CWC22: variants seen among roughly 807,000 people sequenced by gnomAD.
CWC22 encodes the protein CWC22 spliceosome associated protein, also known as pre-mRNA-splicing factor CWC22 homolog.
CWC22 carries 53 observed loss-of-function variants against 117.2 expected under a neutral mutation model. That is an observed-to-expected ratio of 0.45 (90% CI 0.36 to 0.57). The LOEUF (loss-of-function observed/expected upper bound fraction) is 0.57. CWC22 is among the 20% of genes least tolerant of loss of function. The pLI is 0.00. For missense variants in CWC22, 980 were observed against 1,068.8 expected (o/e 0.92, Z 1.16); for synonymous variants, 360 against 355.6 (o/e 1.01, Z -0.14).
At chr2:179,983,001 T>C (rs1468131174) in intron 4 of CWC22, among the ~76,000 whole-genome samples, 1 of 152,140 alleles carries the variant, frequency 6.6e-6, no homozygotes, top group East Asian at 1.9e-4. Context: ...AAGGAGTATG[T>C]TTGAGATGGT....
chr2:179,973,871 T>C (rs1356599855), intron 6 of CWC22, 69 bp from the exon 7 acceptor site: 3 of 845,938 alleles, frequency 3.5e-6, no homozygotes, highest in Non-Finnish European at 5.2e-6. Context: ...ACAAAAACTA[T>C]TAAAATTCAG....
At chr2:179,987,545 TAGTA>T (rs964714016) in intron 3 of CWC22, among the ~76,000 whole-genome samples, 2 of 152,050 alleles carry the variant, frequency 1.3e-5, no homozygotes, top group African/African-American at 4.8e-5. Flanking sequence ...CGGTGAAAGA[TAGTA>T]AGTAATTATG....
chr2:179,965,998 T>C lies in CWC22; in HGVS notation c.1211-16A>G, dbSNP rs371962941. ...TCAAGAATTTCTGTAAAGTACAAAG[T>C]AAGTTTAGGAAAAAAATGTGCAAGT... is the stretch of plus-strand genomic sequence containing the variant. On this transcript the variant is annotated splice_polypyrimidine_tract_variant and intron_variant, in intron 11 of 19. Transcript: ENST00000410053. The C allele has an allele frequency of 5.6e-6, 9 of 1,594,348 alleles. No individual in the cohort carries two copies. Among genetic ancestry groups the C allele is most frequent in the Non-Finnish European group, 7.7e-6 (9 of 1,170,132 alleles).
intron 14 of CWC22, among the ~76,000 whole-genome samples, chr2:179,957,475 T>A (rs1267820007): frequency 1.3e-5 from 2 of 152,190 alleles, no homozygotes; most frequent in Admixed American, 6.5e-5. Context: ...GCGGCTGTGG[T>A]GTGAAAACAG....
intron 1 of CWC22, among the ~76,000 whole-genome samples, chr2:180,006,472 G>A (rs1687977581): frequency 6.6e-6 from 1 of 152,186 alleles, no homozygotes; most frequent in Non-Finnish European, 1.5e-5. Flanking sequence ...GATGAAGCGG[G>A]CACATGAGAA....
chr2:179,976,714 C>T (rs1687161109), intron 6 of CWC22, among the ~76,000 whole-genome samples: 1 of 152,122 alleles, frequency 6.6e-6, no homozygotes, highest in Non-Finnish European at 1.5e-5. Context: ...CATCTCACAA[C>T]TGTTACAATG....
intron 11 of CWC22, among the ~76,000 whole-genome samples, chr2:179,969,899 C>T (rs1055982068): frequency 7.2e-5 from 11 of 152,044 alleles, no homozygotes; most frequent in African/African-American, 2.4e-4. Flanking sequence ...TTTATATATC[C>T]TTCCATAGAA....
At chr2:179,951,088 A>T (rs1427660368) in intron 17 of CWC22, among the ~76,000 whole-genome samples, 162 bp from the exon 18 acceptor site, 1 of 152,152 alleles carries the variant, frequency 6.6e-6, no homozygotes, top group Non-Finnish European at 1.5e-5. Flanking sequence ...TGCTATCTAA[A>T]TGAAATGAGT....
chr2:179,959,104 G>C (rs1258984575), intron 13 of CWC22, 22 bp from the exon 14 acceptor site: 2 of 1,501,422 alleles, frequency 1.3e-6, no homozygotes, highest in African/African-American at 2.8e-5. Flanking sequence ...ATCACAATAG[G>C]TTAAAAGCTT....
rs146623301 is a variant in CWC22 at position 179,973,166 on chromosome 2, G to T, written c.804+27C>A. 340 of 1,540,446 alleles carry T rather than the reference G, an allele frequency of 2.2e-4. 1 individual carries two copies. Among genetic ancestry groups the T allele is most frequent in the Non-Finnish European group, 3.0e-4 (332 of 1,125,330 alleles). On this transcript the variant is annotated intron_variant, in intron 8 of 19. Coordinates refer to ENST00000410053, the MANE Select transcript of CWC22 (RefSeq NM_020943.3). ...CCTCTGGTCTAATGCCACTGAATGG[G>T]ACCAAGTATTGAAGATAATTACTTA... is the stretch of plus-strand genomic sequence containing the variant.
At chr2:179,962,317 T>C (rs1686773071) in intron 13 of CWC22, among the ~76,000 whole-genome samples, 2 of 152,172 alleles carry the variant, frequency 1.3e-5, no homozygotes, top group African/African-American at 2.4e-5. Flanking sequence ...TTTTCAAAAG[T>C]GGACTGTTTA....
intron 7 of CWC22, 105 bp downstream of exon 7, chr2:179,973,529 T>C: frequency 1.3e-6 from 1 of 763,344 alleles, no homozygotes; most frequent in South Asian, 2.0e-5. Context: ...TTAAAAAGCA[T>C]TATGTTATGT....
chr2:179,986,250 C>T (rs1417496089), intron 4 of CWC22, among the ~76,000 whole-genome samples: 3 of 152,140 alleles, frequency 2.0e-5, no homozygotes, highest in African/African-American at 7.2e-5. Flanking sequence ...AAATTGGAAA[C>T]TTAAGTCTCA....
chr2:179,966,296 T>C (rs137912910), intron 11 of CWC22, among the ~76,000 whole-genome samples: 2 of 152,118 alleles, frequency 1.3e-5, no homozygotes, highest in East Asian at 1.9e-4. Flanking sequence ...ATATTAGGAA[T>C]AGAAGTTAGT....
intron 11 of CWC22, among the ~76,000 whole-genome samples, chr2:179,966,903 A>C (rs1007768431): frequency 2.0e-5 from 3 of 152,222 alleles, no homozygotes; most frequent in Admixed American, 6.5e-5. Flanking sequence ...ACACATAATG[A>C]AAGTTAGCAG....
Position 179,973,186 on chromosome 2 carries a change from T to C in CWC22, c.804+7A>G. On this transcript the variant is annotated splice_region_variant and intron_variant, in intron 8 of 19. Coordinates refer to ENST00000410053, the MANE Select transcript of CWC22 (RefSeq NM_020943.3). ...AATGGGACCAAGTATTGAAGATAAT[T>C]ACTTACCACATTTTGGTTAATAAGA... The C allele has an allele frequency of 6.3e-7, 1 of 1,588,270 alleles. No individual in the cohort carries two copies.
chr2:179,985,413 T>G (rs914624324), intron 4 of CWC22, among the ~76,000 whole-genome samples: 5 of 152,094 alleles, frequency 3.3e-5, no homozygotes, highest in African/African-American at 9.7e-5. Flanking sequence ...TCTGCCCCAC[T>G]ATTTTCTTTG....
chr2:180,006,609 G>GA (rs1687983388), intron 1 of CWC22, among the ~76,000 whole-genome samples: 1 of 152,196 alleles, frequency 6.6e-6, no homozygotes, highest in Non-Finnish European at 1.5e-5. Flanking sequence ...AGAGGCATAA[G>GA]AGTGCAAGTA....
At chr2:179,950,437 A>G (rs1686415175) in intron 19 of CWC22, 75 bp downstream of exon 19, 1 of 885,904 alleles carries the variant, frequency 1.1e-6, no homozygotes, top group Non-Finnish European at 1.7e-6. Context: ...CAATCAAATT[A>G]TTTTCTTCCT....
Sources: allele counts gnomAD v4.1 joint callset (sites outside exome capture counted in the v4.1 genomes callset), GRCh38; gene constraint gnomAD v4.1.1; transcripts MANE v1.5; gene names NCBI Gene and HGNC (gene_info 2026-07-23, HGNC 2026-07-21).